The following APOL4 variants were observed in gnomAD, a reference collection of about 807,000 sequenced individuals.
APOL4 encodes the protein apolipoprotein L4, also known as apolipoprotein L, 4.
APOL4 carries 14 observed loss-of-function variants against 12.1 expected under a neutral mutation model. The ratio of observed to expected loss-of-function variants is 1.16; its 90% CI spans 0.76 to 1.81. APOL4 has a LOEUF of 1.81. Among genes scored for constraint, APOL4 ranks in the 40% most tolerant of loss-of-function variants. APOL4 has a pLI of 0.00. For synonymous variants in APOL4, 171 were observed against 160.6 expected (o/e 1.06, Z -0.49); for missense variants, 432 against 423.1 (o/e 1.02, Z -0.18).
intron 1 of APOL4, among the ~76,000 whole-genome samples, chr22:36,201,223 G>T (rs892341385): frequency 2.7e-5 from 4 of 150,814 alleles, no homozygotes; most frequent in African/African-American, 7.4e-5. Flanking sequence ...TTTTCTCACC[G>T]TGTGTCTCTG....
rs1211588611 is a variant in APOL4, at chr22:36,191,524, T to A, written c.598A>T (p.Thr200Ser). The change falls in exon 4 of 4, where the codon ACA (threonine) becomes TCA (serine). Residue 200 changes from threonine to serine, a missense_variant. Physicochemically the swap from Thr to Ser is moderately conservative, Grantham distance 58. Coordinates refer to ENST00000683024, the MANE Select transcript of APOL4 (RefSeq NM_001386885.1). ...ENTYTRSAEL[T>S]ASRLTATSTD... ...CTGGTTGCAGTCAGCCTGCTGGCTG[T>A]GAGTTCTGCTGACCTTGTGTATGTG... is the stretch of plus-strand genomic sequence containing the variant. The A allele has an allele frequency of 1.2e-6, 2 of 1,614,038 alleles. No homozygotes were observed. Among genetic ancestry groups the A allele is most frequent in the Admixed American group, 1.7e-5 (1 of 60,028 alleles).
At position 36,201,691 on chromosome 22, in the gene APOL4, C is replaced by A. The variant is rs376753064; in HGVS notation, c.35+9G>T. 1.2e-6 allele frequency: 2 copies of A among 1,603,176 alleles called. No individual in the cohort carries two copies. Among genetic ancestry groups the A allele is most frequent in the Admixed American group, 1.7e-5 (1 of 58,746 alleles). On this transcript the variant is annotated intron_variant, in intron 1 of 3. Coordinates refer to ENST00000683024, the MANE Select transcript of APOL4 (RefSeq NM_001386885.1). Reference sequence around the variant, plus strand: ...GCAGGAGGGCAGAGAGCTGGGGCCTCGGACTCACCCGACGCTTGTGATGAG... The same window carrying A: ...GCAGGAGGGCAGAGAGCTGGGGCCTAGGACTCACCCGACGCTTGTGATGAG...
intron 2 of APOL4, among the ~76,000 whole-genome samples, chr22:36,195,772 T>TCACACA (rs1484877369): frequency 2.9e-5 from 4 of 140,108 alleles, no homozygotes; most frequent in African/African-American, 8.1e-5. Context: ...TCTCTCTCTC[T>TCACACA]CTCTCACACA....
At chr22:36,197,827 G>C in intron 2 of APOL4, 1 of 1,547,092 alleles carries the variant, frequency 6.5e-7, no homozygotes, top group South Asian at 1.2e-5. Context: ...TGGGCCCAGA[G>C]GACCCTGACA....
At position 36,201,806 on chromosome 22, in the gene APOL4, G is replaced by A. The variant is rs896766176; in HGVS notation, c.-72C>T. 6.3e-7 allele frequency: 1 copy of A among 1,576,216 alleles called. No homozygotes were observed. Among genetic ancestry groups the A allele is most frequent in the Admixed American group, 1.9e-5 (1 of 53,724 alleles). On this transcript the variant is annotated 5_prime_UTR_variant, in exon 1 of 4. Transcript: ENST00000683024. ...CTGCTGAATGTTGAGGCTGGATACT[G>A]ACTGTTAGCCTCAACTAGGACACAG...
Position 36,195,278 on chromosome 22 carries a change from G to T in APOL4, c.209+33C>A, listed in dbSNP as rs559028869. The T allele has an allele frequency of 1.9e-6, 3 of 1,602,518 alleles. No individual in the cohort carries two copies. In the African/African-American group the frequency reaches 4.0e-5, roughly 22 times the overall value. ...GGGGAGATCTGGGTGGCATCACCGG[G>T]GTGCCCCAAGGAGGTAACCCCATGG... On this transcript the variant is annotated intron_variant, in intron 3 of 3. Coordinates refer to ENST00000683024, the MANE Select transcript of APOL4 (RefSeq NM_001386885.1).
In APOL4 at chr22:36,189,810, C is replaced by T. The variant is rs5756092; in HGVS notation, c.*1265G>A. On this transcript the variant is annotated 3_prime_UTR_variant, in exon 4 of 4. Coordinates refer to ENST00000683024, the MANE Select transcript of APOL4 (RefSeq NM_001386885.1). ...CCCAGCATTTCTGCCTTCTCCTTGGCGCACTTGCCATCTTGAGTAACCCCT... is the reference window on the plus strand; with the variant it reads ...CCCAGCATTTCTGCCTTCTCCTTGGTGCACTTGCCATCTTGAGTAACCCCT... 84,608 of 152,334 alleles carry T rather than the reference C, an allele frequency of 0.56. 24,070 individuals carry two copies. Among genetic ancestry groups the T allele is most frequent in the East Asian group, 0.82 (4,186 of 5,120 alleles). 9.4% of individuals were successfully genotyped at this position (152,334 alleles called of 1,614,324 possible).
intron 2 of APOL4, among the ~76,000 whole-genome samples, chr22:36,195,717 A>G (rs1390898372): frequency 1.3e-5 from 2 of 150,170 alleles, no homozygotes; most frequent in African/African-American, 4.9e-5. Context: ...CTGGTGTCCA[A>G]TTAAAAGAAA....
intron 3 of APOL4, among the ~76,000 whole-genome samples, chr22:36,194,854 A>G (rs2014358690): frequency 6.6e-6 from 1 of 152,230 alleles, no homozygotes; most frequent in South Asian, 2.1e-4. Context: ...GACTTTTCCC[A>G]AAGAAAGTCC....
rs114526787 is a variant in APOL4 at position 36,200,135 on chromosome 22, C to T, written c.36-759G>A. 3.6e-3 allele frequency among the ~76,000 whole-genome samples: 550 copies of T among 152,272 alleles called. 2 individuals carry two copies. Among genetic ancestry groups the T allele is most frequent in the Middle Eastern group, 0.021 (6 of 292 alleles). On this transcript the variant is annotated intron_variant, in intron 1 of 3. Coordinates refer to ENST00000683024, the MANE Select transcript of APOL4 (RefSeq NM_001386885.1). ...GATGTGCAGGGCTTCTGACATGTGTCTCATTCAATGATCACACACAGCCCG... is the reference window on the plus strand; with the variant it reads ...GATGTGCAGGGCTTCTGACATGTGTTTCATTCAATGATCACACACAGCCCG...
intron 3 of APOL4, among the ~76,000 whole-genome samples, chr22:36,192,892 A>G (rs894193010): frequency 3.9e-5 from 6 of 152,182 alleles, no homozygotes; most frequent in African/African-American, 1.2e-4. Context: ...CCCCAGGAAG[A>G]GCTCTGCATT....
chr22:36,199,546 G>A (rs935831523), intron 1 of APOL4, 170 bp from the exon 2 acceptor site: 18 of 1,583,306 alleles, frequency 1.1e-5, no homozygotes, highest in Non-Finnish European at 1.5e-5. Flanking sequence ...GCTATTTACA[G>A]ACACTCAACT....
intron 3 of APOL4, among the ~76,000 whole-genome samples, chr22:36,192,189 A>G (rs1363013308): frequency 6.6e-6 from 1 of 151,958 alleles, no homozygotes; most frequent in Non-Finnish European, 1.5e-5. Flanking sequence ...AAATACAAAA[A>G]ATTAGCCAGG....
rs564318612 is a variant in APOL4, at chr22:36,193,921, T to G, written c.209+1390A>C. On this transcript the variant is annotated intron_variant, in intron 3 of 3. Coordinates refer to ENST00000683024, the MANE Select transcript of APOL4 (RefSeq NM_001386885.1). ...AACTTCAGGGTCTCACTCTCACATG[T>G]CACCAGCCAAACTAATGCCTTAGCA... Among the ~76,000 whole-genome samples, 3 of 152,300 alleles carry G rather than the reference T, an allele frequency of 2.0e-5. No individual in the cohort carries two copies. The South Asian group carries it at 6.2e-4, about 32-fold the overall frequency.
At chr22:36,195,128 G>T in intron 3 of APOL4, 183 bp downstream of exon 3, 2 of 702,180 alleles carry the variant, frequency 2.8e-6, no homozygotes, top group African/African-American at 1.8e-5. Flanking sequence ...CCCTCAGCCT[G>T]AGGTCACTCA....
intron 2 of APOL4, among the ~76,000 whole-genome samples, chr22:36,196,098 C>T (rs956581210): frequency 6.6e-6 from 1 of 152,208 alleles, no homozygotes; most frequent in Non-Finnish European, 1.5e-5. Flanking sequence ...CATGTTTTCT[C>T]CCCATGTACG....
At chr22:36,201,446 G>T (rs2014572308) in intron 1 of APOL4, 3 of 916,422 alleles carry the variant, frequency 3.3e-6, no homozygotes, top group Non-Finnish European at 4.6e-6. Flanking sequence ...GGGCCCCCAT[G>T]CAACAAGGGT....
upstream of APOL4, chr22:36,202,037 G>A (rs765337525): frequency 5.6e-6 from 9 of 1,614,002 alleles, no homozygotes; most frequent in African/African-American, 2.7e-5. Context: ...CTCCCTCCAT[G>A]TCGCTGCGGG....
intron 2 of APOL4, chr22:36,197,620 G>A: frequency 1.3e-6 from 2 of 1,535,638 alleles, no homozygotes; most frequent in East Asian, 2.5e-5. Context: ...CTGAACTGGG[G>A]TCATATCAGA....
Sources: gnomAD v4.1 joint callset for allele counts (sites outside exome capture counted in the v4.1 genomes callset) on GRCh38, gnomAD v4.1.1 for gene constraint, MANE v1.5 for transcripts, NCBI Gene and HGNC (gene_info 2026-07-23, HGNC 2026-07-21) for gene names.